NUP98: variants seen among roughly 807,000 people sequenced by gnomAD.
NUP98 encodes nuclear pore complex protein Nup98-Nup96.
In NUP98, 26 loss-of-function variants were observed where a neutral mutation model predicts 191.9. The ratio of observed to expected loss-of-function variants is 0.14; its 90% CI spans 0.10 to 0.19. The LOEUF is 0.19. Ranked by LOEUF, NUP98 falls within the 10% of genes least tolerant of loss-of-function variation. The probability of loss-of-function intolerance (pLI) is 1.00; values close to 1 mark genes in which losing one functional copy is unlikely to be tolerated. For missense variants in NUP98, 1,941 were observed against 2,178.8 expected, an observed-to-expected ratio of 0.89 and a Z score of 2.17; for synonymous variants, 808 against 778.4, an observed-to-expected ratio of 1.04 and a Z score of -0.63.
rs552076203 is a variant in NUP98 at position 3,764,883 on chromosome 11, G to T, written c.949-1844C>A. 2.6e-5 allele frequency among the ~76,000 whole-genome samples: 4 copies of T among 152,118 alleles called. No individual in the cohort carries two copies. The South Asian group carries it at 8.3e-4, about 32-fold the overall frequency. ...GTGAGCCACCGCGCCCAGCCTGTTAGTCTTTTTTTATTGTATCTTTCAAAT... is the reference window on the plus strand; with the variant it reads ...GTGAGCCACCGCGCCCAGCCTGTTATTCTTTTTTTATTGTATCTTTCAAAT... On this transcript the variant is annotated intron_variant, in intron 8 of 32. Transcript: ENST00000324932.
intron 14 of NUP98, 69 bp from the exon 15 acceptor site, chr11:3,725,288 C>A: frequency 1.4e-6 from 1 of 719,456 alleles, no homozygotes; most frequent in Non-Finnish European, 2.4e-6. Context: ...CAGACATTAT[C>A]TTAAAAACTG....
In NUP98 at chr11:3,699,346, C is replaced by A; in HGVS notation, c.3745G>T (p.Val1249Leu). The change falls in exon 25 of 33, where the codon GTG becomes TTG. Residue 1249 changes from valine (V) to leucine (L), a missense_variant and splice_region_variant. Val to Leu is a conservative substitution (Grantham distance 32). Around this residue, in one of 6 missense-constraint regions of NUP98, gnomAD observed 1,030 missense variants for 1,115.8 expected, o/e 0.92. Coordinates refer to ENST00000324932, the MANE Select transcript of NUP98 (RefSeq NM_016320.5). ...ASGDLPEAQI[V>L]KHWSLTWTLC... ...GTCCATGTCAGGCTCCAGTGCTTCA[C>A]AACTAAGGCAGGAAGAGAAAAACAA... 1 of 1,612,488 alleles carries A rather than the reference C, an allele frequency of 6.2e-7. No homozygotes were observed. The highest frequency in any genetic ancestry group is 1.7e-5 in the Admixed American group (1 of 60,002).
intron 22 of NUP98, 32 bp from the exon 23 acceptor site, chr11:3,702,924 A>T: frequency 6.6e-7 from 1 of 1,525,260 alleles, no homozygotes; most frequent in Non-Finnish European, 8.9e-7. Flanking sequence ...GGGGAGAAAG[A>T]CTATTACAAA....
chr11:3,763,548 AT>A (rs1378576695), intron 8 of NUP98, among the ~76,000 whole-genome samples: 5 of 152,200 alleles, frequency 3.3e-5, no homozygotes, highest in African/African-American at 1.2e-4. Context: ...TACGAGTGTT[AT>A]GTTAAAGAGC....
chr11:3,718,769 C>T (rs753716951), intron 18 of NUP98, among the ~76,000 whole-genome samples: 1 of 152,062 alleles, frequency 6.6e-6, no homozygotes, highest in Non-Finnish European at 1.5e-5. Context: ...ACAGCAGAAA[C>T]AGGAATAAAG....
intron 18 of NUP98, among the ~76,000 whole-genome samples, chr11:3,718,694 C>T (rs2079276948): frequency 6.6e-6 from 1 of 152,090 alleles, no homozygotes; most frequent in Admixed American, 6.6e-5. Context: ...TCACTACAGC[C>T]CTTTCACTTG....
intron 1 of NUP98, among the ~76,000 whole-genome samples, chr11:3,788,006 C>T (rs2082201246): frequency 6.6e-6 from 1 of 151,908 alleles, no homozygotes; most frequent in Admixed American, 6.6e-5. Flanking sequence ...AAATAAAACA[C>T]TTTACTTCCC....
At chr11:3,741,347 A>G (rs1169021214) in intron 12 of NUP98, among the ~76,000 whole-genome samples, 1 of 151,048 alleles carries the variant, frequency 6.6e-6, no homozygotes, top group East Asian at 2.0e-4. Flanking sequence ...ATCTGGCAGG[A>G]GCGGTGGCTC....
intron 12 of NUP98, among the ~76,000 whole-genome samples, chr11:3,740,242 G>A (rs1338675197): frequency 6.6e-6 from 1 of 152,134 alleles, no homozygotes; most frequent in African/African-American, 2.4e-5. Context: ...CAGGCGCGGT[G>A]GCTCACACCT....
intron 1 of NUP98, among the ~76,000 whole-genome samples, chr11:3,786,509 T>C (rs964836022): frequency 1.1e-4 from 17 of 152,216 alleles, no homozygotes; most frequent in East Asian, 7.7e-4. Context: ...AATAGTGTTA[T>C]ATAGAAAAGA....
At chr11:3,753,467 T>C in intron 10 of NUP98, 59 bp from the exon 11 acceptor site, 2 of 1,329,266 alleles carry the variant, frequency 1.5e-6, no homozygotes, top group Non-Finnish European at 2.2e-6. Context: ...ATTTCCTCTA[T>C]AAGGGAGTTT....
At chr11:3,770,367 T>C (rs185320904) in intron 7 of NUP98, among the ~76,000 whole-genome samples, 176 of 152,082 alleles carry the variant, frequency 1.2e-3, no homozygotes, top group African/African-American at 4.1e-3. Flanking sequence ...GGCACATGCC[T>C]GTAGGGTGGC....
chr11:3,730,050 T>C (rs1016191939), intron 14 of NUP98, among the ~76,000 whole-genome samples: 9 of 152,058 alleles, frequency 5.9e-5, no homozygotes, highest in Non-Finnish European at 1.3e-4. Context: ...AAGACCAGCC[T>C]GGCCAACATG....
Position 3,721,002 on chromosome 11 carries a change from G to C in NUP98, c.2147-177C>G, listed in dbSNP as rs2079377408. 8.4e-6 allele frequency: 4 copies of C among 474,942 alleles called. No homozygotes were observed. In the South Asian group the frequency reaches 1.2e-4, roughly 15 times the overall value. 29.4% of individuals were successfully genotyped at this position (474,942 alleles called of 1,614,324 possible). Reference sequence around the variant, plus strand: ...TGTGTGTGTGTGTGTGTGTGTGTGTGTGTGTGAAAAGCTTCATGGTCAAAT... The same window carrying C: ...TGTGTGTGTGTGTGTGTGTGTGTGTCTGTGTGAAAAGCTTCATGGTCAAAT... On this transcript the variant is annotated intron_variant, in intron 16 of 32. Transcript: ENST00000324932.
chr11:3,779,502 G>A (rs1055953697), intron 2 of NUP98, among the ~76,000 whole-genome samples: 3 of 151,998 alleles, frequency 2.0e-5, no homozygotes, highest in Admixed American at 6.6e-5. Context: ...TTAGAAGGGC[G>A]TGGTGGCACA....
intron 12 of NUP98, among the ~76,000 whole-genome samples, chr11:3,736,103 G>GTT (rs758634992): frequency 7.1e-6 from 1 of 141,796 alleles, no homozygotes; most frequent in Admixed American, 7.0e-5. Context: ...TGTGTGTTTT[G>GTT]TTTTTTTTTT....
intron 12 of NUP98, among the ~76,000 whole-genome samples, chr11:3,742,062 A>G (rs994716953): frequency 3.9e-4 from 59 of 152,366 alleles, no homozygotes; most frequent in Admixed American, 3.5e-3. Context: ...CTTGACGAGA[A>G]TATCTTGAAG....
chr11:3,784,478 C>T (rs757560506), intron 1 of NUP98, among the ~76,000 whole-genome samples: 2 of 151,916 alleles, frequency 1.3e-5, no homozygotes, highest in African/African-American at 4.8e-5. Flanking sequence ...GCTGGTTACA[C>T]TGGCTCACAT....
rs2078304410 is a variant in NUP98, at chr11:3,691,358, G to C, written c.4443C>G (p.Leu1481=). 2.5e-6 allele frequency: 4 copies of C among 1,614,170 alleles called. No individual in the cohort carries two copies. In the South Asian group the frequency reaches 3.3e-5, roughly 13 times the overall value. The change falls in exon 28 of 33, where the codon CTC becomes CTG. Residue 1481 remains leucine, a synonymous_variant. Transcript: ENST00000324932. The part of the protein sequence containing the change: ...LRDVCFHLLK[L]YSDRHYDLNQ... ...TGGCTCTCATTTACCTGTCACTGTAGAGTTTTAGAAGGTGAAAGCAGACAT... is the reference window on the plus strand; with the variant it reads ...TGGCTCTCATTTACCTGTCACTGTACAGTTTTAGAAGGTGAAAGCAGACAT...
Sources: gnomAD v4.1 joint callset for allele counts (sites outside exome capture counted in the v4.1 genomes callset) on GRCh38, gnomAD v4.1.1 for gene constraint, gnomAD v4.1.1 regional missense constraint, MANE v1.5 for transcripts, NCBI Gene and HGNC (gene_info 2026-07-23, HGNC 2026-07-21) for gene names.